TTC29: variants seen among roughly 807,000 people sequenced by gnomAD.
The protein encoded by TTC29 is tetratricopeptide repeat protein 29.
A neutral mutation model predicts 58.1 loss-of-function variants in TTC29; 49 were observed. The observed-to-expected ratio is 0.84, with a 90% confidence interval of 0.67 to 1.07. The LOEUF (loss-of-function observed/expected upper bound fraction) is 1.07. TTC29 is among the 50% of genes least tolerant of loss of function. TTC29 has a pLI of 0.00. For missense variants in TTC29, 582 were observed against 555.6 expected (o/e 1.05, Z -0.48); for synonymous variants, 209 against 196.8 (o/e 1.06, Z -0.52).
chr4:146,867,658 C>A, intron 7 of TTC29, 75 bp from the exon 8 acceptor site: 2 of 680,230 alleles, frequency 2.9e-6, no homozygotes, highest in South Asian at 2.5e-5. Context: ...CCTTGCTTTT[C>A]AAGACAGTAG....
chr4:146,931,993 T>TTCTTCTTCTTCCCTTCCTTC (rs1735370244), intron 4 of TTC29, among the ~76,000 whole-genome samples: 1 of 152,168 alleles, frequency 6.6e-6, no homozygotes, highest in South Asian at 2.1e-4. Flanking sequence ...TTTCTGCTTT[T>TTCTTCTTCTTCCCTTCCTTC]TCTTCTTCTT....
chr4:146,906,580 C>A (rs567100096), intron 5 of TTC29, among the ~76,000 whole-genome samples: 1 of 152,276 alleles, frequency 6.6e-6, no homozygotes, highest in East Asian at 1.9e-4. Flanking sequence ...AGTGAATGTG[C>A]ATATCTCATT....
intron 8 of TTC29, among the ~76,000 whole-genome samples, chr4:146,836,844 C>T (rs917731569): frequency 4.6e-5 from 7 of 152,026 alleles, no homozygotes; most frequent in Non-Finnish European, 7.4e-5. Flanking sequence ...CAAAAAACAA[C>T]ATATGCTGGC....
intron 10 of TTC29, among the ~76,000 whole-genome samples, chr4:146,817,585 T>C (rs550306122): frequency 2.0e-5 from 3 of 152,282 alleles, no homozygotes; most frequent in South Asian, 4.1e-4. Flanking sequence ...AAAACTACTT[T>C]AAAGTTCATA....
At position 146,725,720 on chromosome 4, in the gene TTC29, C is replaced by T. The variant is rs181795753; in HGVS notation, c.1331-18169G>A. ...TGTTTGCCTGCATCATTCTTGCCAT[C>T]TTCTGATCTAAGAAACTGAGAATAA... On this transcript the variant is annotated intron_variant, in intron 11 of 12. Coordinates refer to ENST00000325106, the MANE Select transcript of TTC29 (RefSeq NM_031956.4). 1.9e-3 allele frequency among the ~76,000 whole-genome samples: 290 copies of T among 152,270 alleles called. 3 individuals are homozygous for T. The highest frequency in any genetic ancestry group is 6.6e-3 in the African/African-American group (275 of 41,562).
intron 6 of TTC29, among the ~76,000 whole-genome samples, chr4:146,882,087 A>C (rs1414533044): frequency 6.6e-6 from 1 of 152,134 alleles, no homozygotes; most frequent in Non-Finnish European, 1.5e-5. Context: ...AACCTCACCC[A>C]GGGTTTTATT....
intron 4 of TTC29, among the ~76,000 whole-genome samples, chr4:146,910,154 A>G (rs1254476904): frequency 6.6e-6 from 1 of 152,128 alleles, no homozygotes; most frequent in Non-Finnish European, 1.5e-5. Context: ...ACTACTGGCA[A>G]CAAAAATTCA....
At chr4:146,898,936 G>A (rs922501227) in intron 6 of TTC29, among the ~76,000 whole-genome samples, 6 of 152,182 alleles carry the variant, frequency 3.9e-5, no homozygotes, top group African/African-American at 1.2e-4. Context: ...AAACCATCTA[G>A]TCTCAGTGCT....
chr4:146,797,832 T>TTATATATA (rs70958528), intron 11 of TTC29, among the ~76,000 whole-genome samples: 4,123 of 129,730 alleles, frequency 0.032, 82 homozygotes, highest in East Asian at 0.069. Context: ...TTACTTTGTT[T>TTATATATA]TATATATATA....
intron 8 of TTC29, 65 bp from the exon 9 acceptor site, chr4:146,833,962 T>A: frequency 1.8e-6 from 2 of 1,130,416 alleles, no homozygotes; most frequent in Admixed American, 2.6e-5. Flanking sequence ...TTTCATTTCA[T>A]AACAGAAAAA....
chr4:146,934,538 G>A (rs2150324498), intron 4 of TTC29, among the ~76,000 whole-genome samples: 1 of 152,270 alleles, frequency 6.6e-6, no homozygotes, highest in East Asian at 1.9e-4. Flanking sequence ...GGAGAGGCCA[G>A]TGCTGGATTT....
intron 11 of TTC29, among the ~76,000 whole-genome samples, chr4:146,719,189 GGTGTGTGTGTGTGTGTGTGT>G (rs60552473): frequency 4.2e-5 from 6 of 144,086 alleles, no homozygotes; most frequent in Admixed American, 7.0e-5. Context: ...TGGCTATTGG[GGTGTGTGTGTGTGTGTGTGT>G]GTGTGTGTGT....
rs553821450 is a variant in TTC29 at position 146,914,987 on chromosome 4, T to G, written c.177-5738A>C. ...AAATTCTGCCTTAAACTATTTTGAA[T>G]AGCTACTATTTATAGAACACCCACA... On this transcript the variant is annotated intron_variant, in intron 4 of 12. Transcript: ENST00000325106. Among the ~76,000 whole-genome samples the G allele has an allele frequency of 2.0e-5, 3 of 152,306 alleles. No homozygotes were observed. In the East Asian group the frequency reaches 5.8e-4, roughly 29 times the overall value.
At position 146,857,100 on chromosome 4, in the gene TTC29, A is replaced by G. The variant is rs990403389; in HGVS notation, c.885+10398T>C. ...AGATTATATAATAATTCTGAATAAG[A>G]CATTTTCTATACAATTTGTAAATAA... On this transcript the variant is annotated intron_variant, in intron 8 of 12. Coordinates refer to ENST00000325106, the MANE Select transcript of TTC29 (RefSeq NM_031956.4). 2.6e-5 allele frequency among the ~76,000 whole-genome samples: 4 copies of G among 152,298 alleles called. No homozygotes were observed. In the South Asian group the frequency reaches 8.3e-4, roughly 32 times the overall value.
intron 11 of TTC29, among the ~76,000 whole-genome samples, chr4:146,770,585 T>C (rs922229307): frequency 5.3e-5 from 8 of 152,088 alleles, no homozygotes; most frequent in African/African-American, 1.9e-4. Context: ...TTAAGCATAA[T>C]TGCATAAGAG....
chr4:146,926,848 G>C (rs1734968939), intron 4 of TTC29, among the ~76,000 whole-genome samples: 1 of 152,096 alleles, frequency 6.6e-6, no homozygotes, highest in Non-Finnish European at 1.5e-5. Context: ...TAAGTCAGAG[G>C]CCTAAAAGGT....
At chr4:146,707,598 T>A in intron 11 of TTC29, 47 bp from the exon 12 acceptor site, 2 of 1,372,330 alleles carry the variant, frequency 1.5e-6, no homozygotes, top group Non-Finnish European at 2.0e-6. Context: ...GAACACAGTT[T>A]ATAGTTATTT....
chr4:146,904,222 G>A (rs531964637), intron 5 of TTC29, among the ~76,000 whole-genome samples: 2 of 152,044 alleles, frequency 1.3e-5, no homozygotes, highest in African/African-American at 2.4e-5. Context: ...AAAATGTCAC[G>A]GGCCTGATAG....
At chr4:146,805,831 G>C (rs560274062) in intron 10 of TTC29, among the ~76,000 whole-genome samples, 189 of 152,272 alleles carry the variant, frequency 1.2e-3, no homozygotes, top group Admixed American at 3.3e-3. Flanking sequence ...CTATATGGGA[G>C]CACCTCCCCA....
Sources: allele counts gnomAD v4.1 joint callset (sites outside exome capture counted in the v4.1 genomes callset), GRCh38; gene constraint gnomAD v4.1.1; transcripts MANE v1.5; gene names NCBI Gene and HGNC (gene_info 2026-07-23, HGNC 2026-07-21).